The following CBFA2T2 variants were observed in gnomAD, a reference collection of about 807,000 sequenced individuals.
CBFA2T2 encodes protein CBFA2T2.
In CBFA2T2, 11 loss-of-function variants were observed where a neutral mutation model predicts 62.2. The ratio of observed to expected loss-of-function variants is 0.18; its 90% CI spans 0.11 to 0.29. The LOEUF (loss-of-function observed/expected upper bound fraction) is 0.29. Among genes scored for constraint, CBFA2T2 ranks in the 10% least tolerant of loss-of-function variants. CBFA2T2 has a pLI of 1.00. For missense variants in CBFA2T2, 592 were observed against 774.1 expected, an observed-to-expected ratio of 0.76 and a Z score of 2.79; for synonymous variants, 295 against 287.5, an observed-to-expected ratio of 1.03 and a Z score of -0.27.
rs574061864 is a variant in CBFA2T2, at chr20:33,550,837, G to T, written c.35-56119G>T. Among the ~76,000 whole-genome samples, 485 of 152,184 alleles carry T rather than the reference G, an allele frequency of 3.2e-3. 3 individuals are homozygous for T. Among genetic ancestry groups the T allele is most frequent in the African/African-American group, 0.011 (450 of 41,512 alleles). ...GGGTTTCACCACCTTGCCCAGGCTG[G>T]TCTCCAACTCCTGACCTCAGGTGAT... On this transcript the variant is annotated intron_variant, in intron 1 of 10. Coordinates refer to ENST00000342704, the MANE Select transcript of CBFA2T2 (RefSeq NM_001032999.3).
chr20:33,615,557 G>A (rs78824607), intron 3 of CBFA2T2, among the ~76,000 whole-genome samples: 3,544 of 152,178 alleles, frequency 0.023, 60 homozygotes, highest in Non-Finnish European at 0.035. Flanking sequence ...CAGAGGCAAG[G>A]TAGAAAGACA....
At chr20:33,541,312 A>C (rs1391996179) in intron 1 of CBFA2T2, among the ~76,000 whole-genome samples, 1 of 152,254 alleles carries the variant, frequency 6.6e-6, no homozygotes, top group African/African-American at 2.4e-5. Flanking sequence ...AGGTTAAGCC[A>C]AAGTTAGACT....
intron 8 of CBFA2T2, among the ~76,000 whole-genome samples, chr20:33,634,768 A>G (rs1354639288): frequency 6.6e-6 from 1 of 152,018 alleles, no homozygotes; most frequent in Non-Finnish European, 1.5e-5. Context: ...AGTTAAGTCC[A>G]TAGCAGATGG....
chr20:33,550,173 G>A (rs1298860033), intron 1 of CBFA2T2, among the ~76,000 whole-genome samples: 1 of 152,056 alleles, frequency 6.6e-6, no homozygotes, highest in African/African-American at 2.4e-5. Context: ...ACCTTATTTT[G>A]GATGGGACAG....
At chr20:33,596,846 CCTT>C (rs2014911653) in intron 1 of CBFA2T2, among the ~76,000 whole-genome samples, 1 of 152,060 alleles carries the variant, frequency 6.6e-6, no homozygotes, top group Non-Finnish European at 1.5e-5. Context: ...ACCAGTTCCT[CCTT>C]CTTAGTAAAT....
chr20:33,501,272 A>G (rs1317792102), intron 1 of CBFA2T2, among the ~76,000 whole-genome samples: 2 of 152,136 alleles, frequency 1.3e-5, no homozygotes, highest in East Asian at 1.9e-4. Flanking sequence ...TTGATACACT[A>G]TTTTGGCCTT....
chr20:33,507,520 G>A (rs1009149737), intron 1 of CBFA2T2, among the ~76,000 whole-genome samples: 2 of 152,098 alleles, frequency 1.3e-5, no homozygotes, highest in Non-Finnish European at 2.9e-5. Context: ...CATTTGAAAC[G>A]AACAAAGAAT....
chr20:33,533,917 T>TTGAGCCGAGGTTTCAG (rs1342995633), intron 1 of CBFA2T2, among the ~76,000 whole-genome samples: 177 of 152,164 alleles, frequency 1.2e-3, no homozygotes, highest in African/African-American at 4.0e-3. Context: ...GGAGGTTGCA[T>TTGAGCCGAGGTTTCAG]TGAGCCGAGG....
chr20:33,570,974 T>C (rs1478702746), intron 1 of CBFA2T2, among the ~76,000 whole-genome samples: 1 of 152,212 alleles, frequency 6.6e-6, no homozygotes, highest in East Asian at 1.9e-4. Flanking sequence ...GGCCCCAGGC[T>C]TCTCACTTAC....
intron 8 of CBFA2T2, among the ~76,000 whole-genome samples, chr20:33,631,186 C>T (rs533327530): frequency 2.0e-5 from 3 of 152,244 alleles, no homozygotes; most frequent in African/African-American, 4.8e-5. Context: ...TGGTGGCGGA[C>T]GCCTGTACTC....
chr20:33,494,532 C>T (rs756224033), intron 1 of CBFA2T2, among the ~76,000 whole-genome samples: 10 of 150,486 alleles, frequency 6.6e-5, no homozygotes, highest in African/African-American at 2.2e-4. Context: ...CCGCCCGCCT[C>T]GGCCTCCCAA....
chr20:33,634,721 A>G (rs1221860305), intron 8 of CBFA2T2, among the ~76,000 whole-genome samples: 1 of 147,510 alleles, frequency 6.8e-6, no homozygotes, highest in Non-Finnish European at 1.5e-5. Flanking sequence ...GTGTTTAATG[A>G]GTTCAATAAG....
intron 1 of CBFA2T2, chr20:33,562,526 A>T (rs2013124376): frequency 1.0e-6 from 1 of 985,802 alleles, no homozygotes; most frequent in Non-Finnish European, 1.2e-6. Flanking sequence ...GAGAGCTGAC[A>T]CATGTCCAGC....
At chr20:33,617,246 A>T (rs112173876) in intron 3 of CBFA2T2, among the ~76,000 whole-genome samples, 21 of 151,930 alleles carry the variant, frequency 1.4e-4, no homozygotes, top group African/African-American at 3.9e-4. Flanking sequence ...AAAAAAAAAA[A>T]TTTTTAAGCA....
intron 1 of CBFA2T2, among the ~76,000 whole-genome samples, chr20:33,602,405 A>G (rs1456292770): frequency 6.9e-6 from 1 of 145,238 alleles, no homozygotes; most frequent in Non-Finnish European, 1.5e-5. Flanking sequence ...CTTATCTCGT[A>G]TTTACACCTC....
At chr20:33,494,243 GTATATATATATATA>G (rs869164142) in intron 1 of CBFA2T2, among the ~76,000 whole-genome samples, 149 of 30,300 alleles carry the variant, frequency 4.9e-3, no homozygotes, top group African/African-American at 0.016. Flanking sequence ...ATATATATGT[GTATATATATATATA>G]TATATATATA....
chr20:33,598,546 T>G (rs986521501), intron 1 of CBFA2T2, among the ~76,000 whole-genome samples: 10 of 152,200 alleles, frequency 6.6e-5, no homozygotes, highest in Non-Finnish European at 8.8e-5. Context: ...GTTATCCTGT[T>G]CTTTTTTCAA....
At chr20:33,641,862 A>G (rs1453095611) in intron 10 of CBFA2T2, among the ~76,000 whole-genome samples, 2 of 150,146 alleles carry the variant, frequency 1.3e-5, no homozygotes, top group South Asian at 4.2e-4. Flanking sequence ...GGGATTACAG[A>G]TGGGCTTTTT....
At chr20:33,528,765 C>T (rs965999218) in intron 1 of CBFA2T2, among the ~76,000 whole-genome samples, 1 of 152,016 alleles carries the variant, frequency 6.6e-6, no homozygotes, top group African/African-American at 2.4e-5. Flanking sequence ...GTCTTGAACT[C>T]CTGGGCTCAA....
Sources: allele counts gnomAD v4.1 joint callset (sites outside exome capture counted in the v4.1 genomes callset), GRCh38; gene constraint gnomAD v4.1.1; transcripts MANE v1.5; gene names NCBI Gene and HGNC (gene_info 2026-07-23, HGNC 2026-07-21).